RAPGEF2: variants seen among roughly 807,000 people sequenced by gnomAD.
RAPGEF2 encodes PDZ domain containing guanine nucleotide exchange factor (GEF) 1.
RAPGEF2 carries 54 observed loss-of-function variants against 186.7 expected under a neutral mutation model. The observed-to-expected ratio is 0.29, with a 90% CI of 0.23 to 0.36. The LOEUF (loss-of-function observed/expected upper bound fraction) is 0.36, where lower values mean the gene tolerates loss of function less well. Ranked by LOEUF, RAPGEF2 falls within the 10% of genes least tolerant of loss-of-function variation. RAPGEF2 has a pLI of 1.00. For missense variants in RAPGEF2, 1,532 were observed against 2,045.0 expected, an observed-to-expected ratio of 0.75 and a Z score of 4.84; for synonymous variants, 712 against 705.9, an observed-to-expected ratio of 1.01 and a Z score of -0.14.
chr4:159,187,304 C>A (rs946769802), intron 2 of RAPGEF2, among the ~76,000 whole-genome samples: 4 of 151,904 alleles, frequency 2.6e-5, no homozygotes, highest in Admixed American at 1.3e-4. Context: ...CTTCCTCCTC[C>A]CCTTTTTTTT....
Position 159,258,860 on chromosome 4 carries a change from A to G in RAPGEF2, c.543+15069A>G, listed in dbSNP as rs373605575. On this transcript the variant is annotated intron_variant, in intron 7 of 29. Transcript: ENST00000691494. Reference sequence around the variant, plus strand: ...GATCTTCCTGCTTTAACAGGTCTATACAAGGATATCAGCACAAAGAACTTA... The same window carrying G: ...GATCTTCCTGCTTTAACAGGTCTATGCAAGGATATCAGCACAAAGAACTTA... 2.6e-4 allele frequency among the ~76,000 whole-genome samples: 40 copies of G among 152,346 alleles called. No homozygotes were observed. In the East Asian group the frequency reaches 4.0e-3, roughly 15 times the overall value.
At chr4:159,298,824 C>T (rs1762322079) in intron 7 of RAPGEF2, among the ~76,000 whole-genome samples, 1 of 152,186 alleles carries the variant, frequency 6.6e-6, no homozygotes. Context: ...CTGCGCCTTG[C>T]AGAGTCTGGT....
chr4:159,237,139 A>G (rs974515129), intron 4 of RAPGEF2, among the ~76,000 whole-genome samples: 7 of 151,942 alleles, frequency 4.6e-5, no homozygotes, highest in African/African-American at 7.3e-5. Context: ...TCCCATCTCA[A>G]CTTCCTGAGT....
intron 1 of RAPGEF2, among the ~76,000 whole-genome samples, chr4:159,114,242 T>C (rs1356904058): frequency 6.6e-6 from 1 of 152,002 alleles, no homozygotes; most frequent in Non-Finnish European, 1.5e-5. Flanking sequence ...TAGCTGGGAT[T>C]ACAGGTGCAC....
chr4:159,159,788 T>C (rs914119886), intron 1 of RAPGEF2, among the ~76,000 whole-genome samples: 2 of 152,230 alleles, frequency 1.3e-5, no homozygotes, highest in Admixed American at 6.5e-5. Context: ...TGAACAATAG[T>C]GTTCTCAACT....
chr4:159,270,603 A>T (rs540508115), intron 7 of RAPGEF2, among the ~76,000 whole-genome samples: 112 of 152,276 alleles, frequency 7.4e-4, no homozygotes, highest in African/African-American at 2.6e-3. Context: ...TTTCTACTTT[A>T]TCAGAACCTT....
intron 11 of RAPGEF2, chr4:159,327,296 A>T (rs1766054690): frequency 6.6e-6 from 1 of 152,222 alleles, no homozygotes; most frequent in Admixed American, 6.5e-5. Flanking sequence ...CTGAGATCAT[A>T]TAGTACTTTC....
At chr4:159,332,133 A>T in intron 16 of RAPGEF2, 99 bp downstream of exon 16, 1 of 797,392 alleles carries the variant, frequency 1.3e-6, no homozygotes, top group South Asian at 2.0e-5. Flanking sequence ...CATAGATTAG[A>T]TCTAAATAAA....
Position 159,345,280 on chromosome 4 carries a change from G to A in RAPGEF2, c.3453G>A (p.Glu1151=), listed in dbSNP as rs1367735751. Residue 1151 remains glutamate (E), a synonymous_variant, in exon 24 of 30, where the codon GAG becomes GAA. Coordinates refer to ENST00000691494, the MANE Select transcript of RAPGEF2 (RefSeq NM_001394067.2). ...YLSNLELEMD[E]ESLQTLSLQC... is the part of the protein sequence containing the mutation. Reference sequence around the variant, plus strand: ...CCAATTTGGAGCTAGAAATGGACGAGGAGAGTCTTCAGACATTATCTCTGC... The same window carrying A: ...CCAATTTGGAGCTAGAAATGGACGAAGAGAGTCTTCAGACATTATCTCTGC... 2 of 1,614,052 alleles carry A rather than the reference G, an allele frequency of 1.2e-6. No individual in the cohort carries two copies. Among genetic ancestry groups the A allele is most frequent in the African/African-American group, 2.7e-5 (2 of 74,932 alleles).
chr4:159,240,522 A>G (rs1156703018), intron 5 of RAPGEF2, among the ~76,000 whole-genome samples: 1 of 151,776 alleles, frequency 6.6e-6, no homozygotes. Context: ...TTTAGCAGAG[A>G]TGGGGTTTCA....
chr4:159,143,462 T>A (rs938077341), intron 1 of RAPGEF2, among the ~76,000 whole-genome samples: 4 of 152,152 alleles, frequency 2.6e-5, no homozygotes, highest in African/African-American at 9.7e-5. Flanking sequence ...ATTTTATCAA[T>A]CTTATGATAT....
Position 159,314,643 on chromosome 4 carries a change from C to T in RAPGEF2, c.728C>T (p.Ala243Val). 6.2e-7 allele frequency: 1 copy of T among 1,613,912 alleles called. No homozygotes were observed. Among genetic ancestry groups the T allele is most frequent in the East Asian group, 2.2e-5 (1 of 44,844 alleles). ...GACCTGAGTGGGTTGCCAGAAACAG[C>T]AGTGGATTCCGAAGACGACGACGAT... ...DMDLSGLPET[A>V]VDSEDDDDEE... The change falls in exon 9 of 30, where the codon GCA (alanine) becomes GTA (valine). Residue 243 changes from alanine to valine, a missense_variant. By Grantham distance (64) the Ala-to-Val change is moderately conservative (BLOSUM62 0). Transcript: ENST00000691494.
rs765631158 is a variant in RAPGEF2 at position 159,339,279 on chromosome 4, C to T, written c.2459C>T (p.Pro820Leu). Residue 820 changes from proline to leucine, a missense_variant, in exon 19 of 30, where the codon CCT (proline) becomes CTT (leucine). By Grantham distance (98) the Pro-to-Leu change is moderately conservative. Around this residue, in one of 4 missense-constraint regions of RAPGEF2, gnomAD observed 810 missense variants for 1,210.5 expected, o/e 0.67. Transcript: ENST00000691494. ...TCACTATGTGAGGTCTCTGTCACAC[C>T]TGAGGGAGTAATCAAACAAAGAAGA... ...QYSLCEVSVT[P>L]EGVIKQRRLP... 1 of 1,614,074 alleles carries T rather than the reference C, an allele frequency of 6.2e-7. No individual in the cohort carries two copies. The highest frequency in any genetic ancestry group is 2.2e-5 in the East Asian group (1 of 44,876).
At chr4:159,292,119 G>T (rs74950452) in intron 7 of RAPGEF2, among the ~76,000 whole-genome samples, 1 of 151,990 alleles carries the variant, frequency 6.6e-6, no homozygotes, top group Non-Finnish European at 1.5e-5. Flanking sequence ...TTATTGACTC[G>T]TACATTTTGA....
At chr4:159,227,402 C>T (rs1160968408) in intron 4 of RAPGEF2, among the ~76,000 whole-genome samples, 1 of 152,206 alleles carries the variant, frequency 6.6e-6, no homozygotes, top group African/African-American at 2.4e-5. Context: ...GTCTATACAA[C>T]TCATACACGG....
At chr4:159,175,395 G>A (rs1746355720) in intron 1 of RAPGEF2, among the ~76,000 whole-genome samples, 1 of 152,056 alleles carries the variant, frequency 6.6e-6, no homozygotes. Context: ...TCACTCGGAT[G>A]CACAAAGCAC....
chr4:159,117,365 C>T (rs1739155131), intron 1 of RAPGEF2, among the ~76,000 whole-genome samples: 1 of 152,140 alleles, frequency 6.6e-6, no homozygotes, highest in Non-Finnish European at 1.5e-5. Flanking sequence ...GTGCTTAGAG[C>T]CCCAAAAGTT....
At chr4:159,187,827 C>T (rs980602737) in intron 2 of RAPGEF2, among the ~76,000 whole-genome samples, 6 of 152,220 alleles carry the variant, frequency 3.9e-5, no homozygotes, top group South Asian at 2.1e-4. Context: ...TTGATGCCAG[C>T]GGGTTTTAAT....
chr4:159,189,033 T>TTAGA (rs5863354), intron 2 of RAPGEF2, among the ~76,000 whole-genome samples: 72,883 of 151,738 alleles, frequency 0.48, 19,145 homozygotes, highest in African/African-American at 0.71. Flanking sequence ...ACCCAACAAC[T>TTAGA]TAAACTGCTT....
Sources: allele counts gnomAD v4.1 joint callset (sites outside exome capture counted in the v4.1 genomes callset), GRCh38; gene constraint gnomAD v4.1.1; regional missense constraint gnomAD v4.1.1; transcripts MANE v1.5; gene names NCBI Gene and HGNC (gene_info 2026-07-23, HGNC 2026-07-21).